The following ADGRL3 variants were observed in gnomAD, a reference collection of about 807,000 sequenced individuals.
ADGRL3 encodes the protein adhesion G protein-coupled receptor L3, also known as calcium-independent alpha-latrotoxin receptor 3.
In ADGRL3, 62 loss-of-function variants were observed where a neutral mutation model predicts 153.5. The observed-to-expected ratio is 0.40, with a 90% CI of 0.33 to 0.50. ADGRL3 has a LOEUF of 0.50. Among genes scored for constraint, ADGRL3 ranks in the 20% least tolerant of loss-of-function variants. The pLI, the probability that ADGRL3 is intolerant of heterozygous loss-of-function variation, is 0.47. For missense variants in ADGRL3, 1,641 were observed against 1,859.4 expected (o/e 0.88, Z 2.16); for synonymous variants, 710 against 672.5 (o/e 1.06, Z -0.86).
intron 4 of ADGRL3, among the ~76,000 whole-genome samples, chr4:61,573,697 G>A (rs1223556117): frequency 6.6e-6 from 1 of 151,810 alleles, no homozygotes; most frequent in African/African-American, 2.4e-5. Context: ...GGACAAGAAG[G>A]CCATTCAATC....
At chr4:61,510,787 T>C (rs2098459462) in intron 3 of ADGRL3, among the ~76,000 whole-genome samples, 2 of 152,190 alleles carry the variant, frequency 1.3e-5, no homozygotes, top group Non-Finnish European at 1.5e-5. Flanking sequence ...TTTTTTCTAA[T>C]TTTGTAAAAA....
At chr4:61,634,135 A>T (rs1001722702) in intron 5 of ADGRL3, among the ~76,000 whole-genome samples, 1 of 152,148 alleles carries the variant, frequency 6.6e-6, no homozygotes, top group South Asian at 2.1e-4. Flanking sequence ...TACAATCCTA[A>T]GTTTATTTTA....
intron 1 of ADGRL3, among the ~76,000 whole-genome samples, chr4:61,255,147 T>C (rs940197891): frequency 1.3e-5 from 2 of 152,190 alleles, no homozygotes; most frequent in Non-Finnish European, 2.9e-5. Flanking sequence ...CATTTGTTGC[T>C]GACAGTCAGG....
At chr4:61,714,660 C>G (rs895299431) in intron 6 of ADGRL3, among the ~76,000 whole-genome samples, 1 of 152,112 alleles carries the variant, frequency 6.6e-6, no homozygotes, top group Non-Finnish European at 1.5e-5. Flanking sequence ...GGAGGAGGAG[C>G]TCATGCAGAT....
intron 9 of ADGRL3, among the ~76,000 whole-genome samples, chr4:61,891,403 A>G (rs2098584352): frequency 6.6e-6 from 1 of 152,178 alleles, no homozygotes; most frequent in South Asian, 2.1e-4. Flanking sequence ...AGGAAAGTTG[A>G]GAAGAGAGGG....
chr4:61,615,941 A>C (rs568097247), intron 5 of ADGRL3, among the ~76,000 whole-genome samples: 58 of 152,292 alleles, frequency 3.8e-4, no homozygotes, highest in South Asian at 1.4e-3. Flanking sequence ...AACTTGCTCT[A>C]TAATGAGTAG....
intron 21 of ADGRL3, among the ~76,000 whole-genome samples, chr4:62,007,409 CGT>C (rs1491460864): frequency 2.8e-4 from 25 of 90,842 alleles, no homozygotes; most frequent in Admixed American, 9.4e-4. Flanking sequence ...TATATATACA[CGT>C]ATATATATAT....
intron 11 of ADGRL3, among the ~76,000 whole-genome samples, chr4:61,896,474 A>G (rs1483978345): frequency 1.3e-5 from 2 of 152,184 alleles, no homozygotes; most frequent in African/African-American, 2.4e-5. Flanking sequence ...GAGTCCTTCT[A>G]TGGCACATTA....
Position 61,886,189 on chromosome 4 carries a change from G to A in ADGRL3, c.1481-6467G>A, listed in dbSNP as rs115899659. Among the ~76,000 whole-genome samples the A allele has an allele frequency of 8.5e-3, 1,297 of 152,188 alleles. 13 individuals are homozygous for A. Among genetic ancestry groups the A allele is most frequent in the African/African-American group, 0.03 (1,253 of 41,518 alleles). On this transcript the variant is annotated intron_variant, in intron 9 of 26. Transcript: ENST00000683033. ...AAGAGAATTAGATAATTTCATGACC[G>A]ATAATATGAATGCTTCTTTTTAAAA...
At chr4:61,318,928 T>C (rs1177584807) in intron 1 of ADGRL3, among the ~76,000 whole-genome samples, 1 of 152,210 alleles carries the variant, frequency 6.6e-6, no homozygotes, top group Admixed American at 6.5e-5. Flanking sequence ...AATTATGAGT[T>C]GTCAGATATT....
At position 61,770,969 on chromosome 4, in the gene ADGRL3, A is replaced by G. The variant is rs559280503; in HGVS notation, c.1399+37415A>G. On this transcript the variant is annotated intron_variant, in intron 8 of 26. Transcript: ENST00000683033. ...TTCTCACAACCAAGAATAATTAGGC[A>G]CAAGGTCATCAAAGAGTGAGTGGAG... 2.0e-5 allele frequency among the ~76,000 whole-genome samples: 3 copies of G among 152,318 alleles called. No individual in the cohort carries two copies. The South Asian group carries it at 6.2e-4, about 32-fold the overall frequency.
At chr4:61,263,107 G>A (rs11723103) in intron 1 of ADGRL3, among the ~76,000 whole-genome samples, 56,870 of 151,712 alleles carry the variant, frequency 0.37, 11,090 homozygotes, top group Non-Finnish European at 0.43. Context: ...AGTAGATAAC[G>A]AATAGCTAAA....
intron 8 of ADGRL3, among the ~76,000 whole-genome samples, chr4:61,746,420 A>T (rs951050569): frequency 6.6e-6 from 1 of 152,054 alleles, no homozygotes; most frequent in Non-Finnish European, 1.5e-5. Flanking sequence ...TTCAGCACAA[A>T]ACCACACCTA....
Position 62,073,966 on chromosome 4 carries a change from G to T in ADGRL3, c.*3058G>T, listed in dbSNP as rs1017829687. On this transcript the variant is annotated 3_prime_UTR_variant, in exon 27 of 27. Coordinates refer to ENST00000683033, the MANE Select transcript of ADGRL3 (RefSeq NM_001387552.1). ...TTTACATACATTTCAATAGAAATTT[G>T]CATATATCTAACATATTCATTTTGT... is the stretch of plus-strand genomic sequence containing the variant. 1 of 151,994 alleles carries T rather than the reference G, an allele frequency of 6.6e-6. No homozygotes were observed. Among genetic ancestry groups the T allele is most frequent in the Non-Finnish European group, 1.5e-5 (1 of 67,990 alleles). 9.4% of individuals were successfully genotyped at this position (151,994 alleles called of 1,614,324 possible). A position where few individuals can be genotyped will look rare whatever the true frequency, so the allele number is the denominator to read the frequency against.
intron 1 of ADGRL3, among the ~76,000 whole-genome samples, chr4:61,225,035 T>G (rs189963051): frequency 3.9e-4 from 60 of 152,352 alleles, no homozygotes; most frequent in Admixed American, 2.0e-3. Flanking sequence ...TAATTCTCTT[T>G]TCTGGTCTTC....
intron 2 of ADGRL3, among the ~76,000 whole-genome samples, chr4:61,394,590 C>T (rs970147208): frequency 2.0e-5 from 3 of 151,912 alleles, no homozygotes; most frequent in African/African-American, 2.4e-5. Flanking sequence ...AAAAAAATTA[C>T]GTATCTTCCC....
At chr4:61,452,245 G>C (rs762775571) in intron 2 of ADGRL3, among the ~76,000 whole-genome samples, 3 of 152,118 alleles carry the variant, frequency 2.0e-5, no homozygotes, top group Non-Finnish European at 4.4e-5. Context: ...GACTGCTCTG[G>C]AAGGTCATCT....
intron 8 of ADGRL3, among the ~76,000 whole-genome samples, chr4:61,768,379 A>G (rs545295650): frequency 1.4e-4 from 22 of 152,006 alleles, no homozygotes; most frequent in African/African-American, 5.3e-4. Flanking sequence ...AAGGAAGATT[A>G]GAAAGACTCA....
chr4:61,672,137 T>C (rs757567829), intron 5 of ADGRL3, among the ~76,000 whole-genome samples: 9 of 152,120 alleles, frequency 5.9e-5, no homozygotes, highest in Admixed American at 2.6e-4. Context: ...CCAGATCAAT[T>C]TTAAGAAGGT....
Sources: gnomAD v4.1 joint callset for allele counts (sites outside exome capture counted in the v4.1 genomes callset) on GRCh38, gnomAD v4.1.1 for gene constraint, MANE v1.5 for transcripts, NCBI Gene and HGNC (gene_info 2026-07-23, HGNC 2026-07-21) for gene names.